NINL: variants seen among roughly 807,000 people sequenced by gnomAD.
The protein encoded by NINL is ninein like, also known as ninein-like protein.
A neutral mutation model predicts 160.3 loss-of-function variants in NINL; 153 were observed. The ratio of observed to expected loss-of-function variants is 0.95; its 90% CI spans 0.84 to 1.09. The LOEUF (loss-of-function observed/expected upper bound fraction) is 1.09. Among genes scored for constraint, NINL ranks in the 50% least tolerant of loss-of-function variants. NINL has a pLI of 0.00. For missense variants in NINL, 1,829 were observed against 1,764.0 expected (o/e 1.04, Z -0.66); for synonymous variants, 800 against 734.8 (o/e 1.09, Z -1.43).
At chr20:25,556,276 C>A (rs1025582927) in intron 1 of NINL, among the ~76,000 whole-genome samples, 4 of 151,512 alleles carry the variant, frequency 2.6e-5, no homozygotes, top group African/African-American at 7.3e-5. Context: ...AGAGCAAGAC[C>A]CTGTCTCAAA....
chr20:25,478,063 C>T (rs373742992), intron 16 of NINL, among the ~76,000 whole-genome samples: 6 of 151,888 alleles, frequency 4.0e-5, no homozygotes, highest in African/African-American at 1.5e-4. Flanking sequence ...ATTCTCCTGC[C>T]TCAGCTTCCC....
At chr20:25,540,039 C>T (rs2064635566) in intron 1 of NINL, 1 of 1,288,682 alleles carries the variant, frequency 7.8e-7, no homozygotes, top group Admixed American at 2.3e-5. Context: ...GTTCAGAGGC[C>T]TCTTCAGTTT....
chr20:25,459,359 G>T (rs933077760), intron 21 of NINL, among the ~76,000 whole-genome samples: 26 of 152,220 alleles, frequency 1.7e-4, no homozygotes, highest in African/African-American at 5.8e-4. Flanking sequence ...GGCCTGTCTT[G>T]GGGGGGCCAG....
chr20:25,462,112 C>G (rs2062804288), intron 20 of NINL, among the ~76,000 whole-genome samples: 1 of 152,244 alleles, frequency 6.6e-6, no homozygotes, highest in African/African-American at 2.4e-5. Context: ...GGACTTTCTT[C>G]AGCCTCTAAG....
chr20:25,522,010 G>T (rs2064272252), intron 2 of NINL, among the ~76,000 whole-genome samples: 1 of 152,040 alleles, frequency 6.6e-6, no homozygotes, highest in Non-Finnish European at 1.5e-5. Flanking sequence ...AAGCTCAAGT[G>T]ATCCTCCACC....
chr20:25,485,137 T>TA (rs1470864292), intron 13 of NINL, among the ~76,000 whole-genome samples: 1 of 152,080 alleles, frequency 6.6e-6, no homozygotes, highest in Non-Finnish European at 1.5e-5. Context: ...GAATAAAGGA[T>TA]ATTAAAGAAA....
chr20:25,549,751 C>T (rs2064784613), intron 1 of NINL, among the ~76,000 whole-genome samples: 1 of 152,180 alleles, frequency 6.6e-6, no homozygotes, highest in African/African-American at 2.4e-5. Flanking sequence ...CACGCCCATT[C>T]AGCCCGGTTT....
At chr20:25,554,028 T>A (rs952246615) in intron 1 of NINL, among the ~76,000 whole-genome samples, 1 of 152,052 alleles carries the variant, frequency 6.6e-6, no homozygotes. Context: ...AGGGCACGGG[T>A]CAGGGCAGAA....
intron 9 of NINL, among the ~76,000 whole-genome samples, chr20:25,497,908 G>A (rs545936066): frequency 3.3e-5 from 5 of 152,332 alleles, no homozygotes; most frequent in Admixed American, 6.5e-5. Flanking sequence ...GAAAGCCAGC[G>A]AGCCTTAAAT....
chr20:25,537,764 T>C (rs2064585509), intron 1 of NINL, among the ~76,000 whole-genome samples: 1 of 152,142 alleles, frequency 6.6e-6, no homozygotes, highest in Admixed American at 6.5e-5. Context: ...GTGCCTTCAC[T>C]GTCCCATTGT....
At chr20:25,546,308 AT>A (rs2064731532) in intron 1 of NINL, among the ~76,000 whole-genome samples, 1 of 152,190 alleles carries the variant, frequency 6.6e-6, no homozygotes, top group South Asian at 2.1e-4. Flanking sequence ...TGAACAGTTT[AT>A]GAGTGATTTC....
Position 25,556,002 on chromosome 20 carries a change from C to T in NINL, c.-11-29404G>A, listed in dbSNP as rs114813354. Reference sequence around the variant, plus strand: ...TTTTCAATAAAAAAAAAAAACAGGCCGGACACGGTGCCTCATGCCTATAAT... The same window carrying T: ...TTTTCAATAAAAAAAAAAAACAGGCTGGACACGGTGCCTCATGCCTATAAT... On this transcript the variant is annotated intron_variant, in intron 1 of 23. Coordinates refer to ENST00000278886, the MANE Select transcript of NINL (RefSeq NM_025176.6). Among the ~76,000 whole-genome samples the T allele has an allele frequency of 8.7e-3, 1,316 of 151,514 alleles. 17 individuals carry two copies. Among genetic ancestry groups the T allele is most frequent in the African/African-American group, 0.03 (1,219 of 41,234 alleles).
chr20:25,509,465 T>C (rs756986799), intron 5 of NINL, among the ~76,000 whole-genome samples: 6 of 152,238 alleles, frequency 3.9e-5, no homozygotes, highest in Non-Finnish European at 7.3e-5. Context: ...AAGCTTGTGC[T>C]GTGATTGTAA....
intron 1 of NINL, among the ~76,000 whole-genome samples, chr20:25,566,231 A>G (rs2064998855): frequency 6.6e-6 from 1 of 152,224 alleles, no homozygotes; most frequent in Non-Finnish European, 1.5e-5. Context: ...TTGGGAAACA[A>G]AAATGGACAC....
intron 19 of NINL, 142 bp downstream of exon 19, chr20:25,467,247 G>C (rs954697856): frequency 8.3e-6 from 6 of 725,926 alleles, no homozygotes; most frequent in Non-Finnish European, 1.2e-5. Flanking sequence ...GACTTTGATG[G>C]GGCCTGGGGG....
chr20:25,481,829 G>A (rs2063394373), intron 14 of NINL, 139 bp downstream of exon 14: 1 of 1,262,772 alleles, frequency 7.9e-7, no homozygotes, highest in African/African-American at 1.5e-5. Context: ...TCCTTGGAAA[G>A]TCCCTGCAGA....
rs73337317 is a variant in NINL at position 25,536,052 on chromosome 20, A to G, written c.-11-9454T>C. On this transcript the variant is annotated intron_variant, in intron 1 of 23. Transcript: ENST00000278886. ...GAGAGAAAGAGCAGCCCCACATCAC[A>G]GCAACAGGGATCAGAATGGCACCAT... Among the ~76,000 whole-genome samples, 996 of 152,314 alleles carry G rather than the reference A, an allele frequency of 6.5e-3. 16 individuals carry two copies. Among genetic ancestry groups the G allele is most frequent in the African/African-American group, 0.023 (954 of 41,562 alleles).
chr20:25,504,587 A>G (rs1263263706), intron 6 of NINL, among the ~76,000 whole-genome samples: 1 of 152,208 alleles, frequency 6.6e-6, no homozygotes, highest in Non-Finnish European at 1.5e-5. Flanking sequence ...ACCCGGCCAC[A>G]CAGAGAAGGG....
At chr20:25,518,486 G>A (rs1238450474) in intron 2 of NINL, among the ~76,000 whole-genome samples, 1 of 152,044 alleles carries the variant, frequency 6.6e-6, no homozygotes, top group Admixed American at 6.5e-5. Flanking sequence ...CTTTTAACAA[G>A]AAACTACCCC....
Sources: gnomAD v4.1 joint callset for allele counts (sites outside exome capture counted in the v4.1 genomes callset) on GRCh38, gnomAD v4.1.1 for gene constraint, MANE v1.5 for transcripts, NCBI Gene and HGNC (gene_info 2026-07-23, HGNC 2026-07-21) for gene names.